The following KL variants were observed in gnomAD, a reference collection of about 807,000 sequenced individuals.
KL encodes the protein alpha-klotho.
In KL, 62 loss-of-function variants were observed where a neutral mutation model predicts 84.2. The observed-to-expected ratio is 0.74, with a 90% CI of 0.60 to 0.91. The LOEUF (loss-of-function observed/expected upper bound fraction) is 0.91, where lower values mean the gene tolerates loss of function less well. KL is among the 40% of genes least tolerant of loss of function. The probability of loss-of-function intolerance (pLI) is 0.00; values close to 1 mark genes in which losing one functional copy is unlikely to be tolerated. For synonymous variants in KL, 528 were observed against 528.0 expected (o/e 1.00, Z 0.00); for missense variants, 1,261 against 1,305.7 (o/e 0.97, Z 0.53).
At chr13:33,022,829 A>G (rs555082862) in intron 1 of KL, among the ~76,000 whole-genome samples, 8 of 152,308 alleles carry the variant, frequency 5.3e-5, no homozygotes, top group African/African-American at 1.9e-4. Flanking sequence ...TAATAAAGGC[A>G]TAAGTGGAGA....
At position 33,061,446 on chromosome 13, in the gene KL, C is replaced by T. The variant is rs1433760828; in HGVS notation, c.2367C>T (p.Phe789=). ...NQRNNFLLPY[F]TEDEKKLIQG... ...GAAACAATTTTCTTCTTCCTTATTT[C>T]ACTGAAGATGAAAAAAAGCTAATCC... The change falls in exon 4 of 5, where the codon TTC becomes TTT. Residue 789 remains phenylalanine (F), a synonymous_variant. Transcript: ENST00000380099. The T allele has an allele frequency of 6.2e-7, 1 of 1,614,070 alleles. No individual in the cohort carries two copies. Among genetic ancestry groups the T allele is most frequent in the African/African-American group, 1.3e-5 (1 of 74,934 alleles).
Position 33,060,679 on chromosome 13 carries a change from G to A in KL, c.1600G>A (p.Val534Ile), listed in dbSNP as rs754598527. ...AWGVVDNYIQ[V>I]DTTLSQFTDL... ...CTAATGTTTACTCTGCCCTTCACAG[G>A]TAGATACCACTCTGTCTCAGTTTAC... The change falls in exon 4 of 5, where the codon GTA becomes ATA. Residue 534 changes from valine (V) to isoleucine (I), a missense_variant and splice_region_variant. Coordinates refer to ENST00000380099, the MANE Select transcript of KL (RefSeq NM_004795.4). 1.2e-6 allele frequency: 2 copies of A among 1,614,148 alleles called. No homozygotes were observed. Among genetic ancestry groups the A allele is most frequent in the Non-Finnish European group, 1.7e-6 (2 of 1,180,014 alleles).
intron 1 of KL, among the ~76,000 whole-genome samples, chr13:33,030,359 A>G (rs1259990983): frequency 6.6e-6 from 1 of 152,164 alleles, no homozygotes; most frequent in Non-Finnish European, 1.5e-5. Context: ...TCTCCTAGTT[A>G]TCTTCCCTTC....
At position 33,054,249 on chromosome 13, in the gene KL, C is replaced by T; in HGVS notation, c.1302C>T (p.Leu434=). 6 of 1,613,412 alleles carry T rather than the reference C, an allele frequency of 3.7e-6. No individual in the cohort carries two copies. The highest frequency in any genetic ancestry group is 5.1e-6 in the Non-Finnish European group (6 of 1,179,902). Residue 434 remains leucine, a synonymous_variant, in exon 2 of 5, where the codon CTC becomes CTT. Coordinates refer to ENST00000380099, the MANE Select transcript of KL (RefSeq NM_004795.4). ...KRDDAKYMYY[L]KKFIMETLKA... ...ATGATGCCAAATATATGTATTACCT[C>T]AAAAAGTTCATCATGGAAACCTTAA...
Position 33,016,961 on chromosome 13 carries a change from G to C in KL, c.521G>C (p.Arg174Pro). 1 of 1,601,654 alleles carries C rather than the reference G, an allele frequency of 6.2e-7. No individual in the cohort carries two copies. Among genetic ancestry groups the C allele is most frequent in the Non-Finnish European group, 8.5e-7 (1 of 1,175,986 alleles). ...AACCGCGAGGGGCTGCGCTACTACC[G>C]GCGCCTGCTGGAGCGGCTGCGGGAG... ...VPNREGLRYYRRLLERLRELG... is the reference protein window; with the variant it reads ...VPNREGLRYYPRLLERLRELG... The change falls in exon 1 of 5, where the codon CGG becomes CCG. Residue 174 changes from arginine (R) to proline (P), a missense_variant. Physicochemically the swap from Arg to Pro is moderately radical, Grantham distance 103 (BLOSUM62 -2). Coordinates refer to ENST00000380099, the MANE Select transcript of KL (RefSeq NM_004795.4).
chr13:33,056,982 G>A (rs1360724966), intron 3 of KL, among the ~76,000 whole-genome samples: 4 of 152,178 alleles, frequency 2.6e-5, no homozygotes, highest in Non-Finnish European at 5.9e-5. Flanking sequence ...CCTCCTCAGA[G>A]TGGATTCCAC....
At chr13:33,057,242 G>T (rs1871996729) in intron 3 of KL, among the ~76,000 whole-genome samples, 1 of 152,110 alleles carries the variant, frequency 6.6e-6, no homozygotes, top group African/African-American at 2.4e-5. Flanking sequence ...CTCCCAGCCA[G>T]CATTGCTGTG....
At position 33,061,316 on chromosome 13, in the gene KL, AAGAGGTGGCTGAG is replaced by A. The variant is rs1377228953; in HGVS notation, c.2242_2254del (p.Val748PhefsTer22). ...GCCTGCCCTTTCTCCCAAAAGGACA[AAGAGGTGGCTGAG>A]AGAGTTTTGGAATTTGACATTGGCT... On this transcript the variant is annotated frameshift_variant, in exon 4 of 5. Coordinates refer to ENST00000380099, the MANE Select transcript of KL (RefSeq NM_004795.4). LOFTEE classifies it high-confidence loss of function. The A allele has an allele frequency of 6.2e-7, 1 of 1,614,210 alleles. No homozygotes were observed. Among genetic ancestry groups the A allele is most frequent in the Non-Finnish European group, 8.5e-7 (1 of 1,180,034 alleles).
intron 1 of KL, among the ~76,000 whole-genome samples, chr13:33,024,564 G>C (rs113273966): frequency 5.4e-4 from 83 of 152,316 alleles, no homozygotes; most frequent in African/African-American, 1.9e-3. Context: ...CATATTTGTA[G>C]GGCTCTTTTC....
At position 33,064,178 on chromosome 13, in the gene KL, T is replaced by C; in HGVS notation, c.3031T>C (p.Tyr1011His). ...FYYSKKGRRS[Y>H]K ...CTACTCGAAGAAAGGCAGAAGAAGT[T>C]ACAAATAGTTCTGAACATTTTTCTA... is the stretch of plus-strand genomic sequence containing the variant. The change falls in exon 5 of 5, where the codon TAC becomes CAC. Residue 1011 changes from tyrosine to histidine, a missense_variant. Coordinates refer to ENST00000380099, the MANE Select transcript of KL (RefSeq NM_004795.4). 6.3e-7 allele frequency: 1 copy of C among 1,597,338 alleles called. No homozygotes were observed.
At chr13:33,029,481 ACTTTT>A in intron 1 of KL, among the ~76,000 whole-genome samples, 1 of 152,300 alleles carries the variant, frequency 6.6e-6, no homozygotes, top group South Asian at 2.1e-4. Flanking sequence ...TTTGCACTCT[ACTTTT>A]CTTTTTGACC....
chr13:33,065,567 A>G lies in KL; in HGVS notation c.*1381A>G, dbSNP rs1477253232. The G allele has an allele frequency of 1.1e-5, 2 of 183,144 alleles. No homozygotes were observed. Among genetic ancestry groups the G allele is most frequent in the African/African-American group, 4.7e-5 (2 of 42,518 alleles). 11.3% of individuals were successfully genotyped at this position (183,144 alleles called of 1,614,324 possible). ...ATAGTGTATAATAATATACTGTACT[A>G]TATAATATATCATCTTTAGAGGTAT... On this transcript the variant is annotated 3_prime_UTR_variant, in exon 5 of 5. Transcript: ENST00000380099.
Position 33,061,170 on chromosome 13 carries a change from C to G in KL, c.2091C>G (p.Tyr697Ter). 1 of 1,614,250 alleles carries G rather than the reference C, an allele frequency of 6.2e-7. No homozygotes were observed. Among genetic ancestry groups the G allele is most frequent in the Non-Finnish European group, 8.5e-7 (1 of 1,180,052 alleles). ...AGCCGTATACAAGGAATATGACATA[C>G]AGTGCTGGCCACAACCTTCTGAAGG... is the stretch of plus-strand genomic sequence containing the variant. ...MNEPYTRNMT[Y>*]SAGHNLLKAH... The change falls in exon 4 of 5, where the codon TAC (tyrosine) becomes TAG (stop). Residue 697 changes from tyrosine to a stop codon, truncating the protein, a stop_gained. Coordinates refer to ENST00000380099, the MANE Select transcript of KL (RefSeq NM_004795.4). LOFTEE classifies it high-confidence loss of function.
chr13:33,016,250 C>T (rs1005180640), upstream of KL: 1 of 151,912 alleles, frequency 6.6e-6, no homozygotes, highest in South Asian at 2.1e-4. Context: ...TCCCGGGCAC[C>T]CCTCGCCCTC....
Position 33,064,478 on chromosome 13 carries a change from G to T in KL, c.*292G>T. 1 of 311,880 alleles carries T rather than the reference G, an allele frequency of 3.2e-6. No homozygotes were observed. The highest frequency in any genetic ancestry group is 6.7e-5 in the South Asian group (1 of 14,978). 19.3% of individuals were successfully genotyped at this position (311,880 alleles called of 1,614,324 possible). ...CATGAAAAATAGGAACCACACCAAT[G>T]CAACATTTGTGCAGAAATTTGAATG... On this transcript the variant is annotated 3_prime_UTR_variant, in exon 5 of 5. Transcript: ENST00000380099.
chr13:33,051,135 G>A (rs1163531922), intron 1 of KL, among the ~76,000 whole-genome samples: 1 of 152,198 alleles, frequency 6.6e-6, no homozygotes, highest in Non-Finnish European at 1.5e-5. Context: ...TGCAAACTCT[G>A]CATTAGGAGT....
intron 1 of KL, among the ~76,000 whole-genome samples, chr13:33,031,112 T>C (rs9526962): frequency 0.15 from 22,059 of 152,062 alleles, 1,684 homozygotes; most frequent in South Asian, 0.17. Context: ...GCCGACTGAG[T>C]TCCTAGCTCA....
Position 33,060,795 on chromosome 13 carries a change from T to G in KL, c.1716T>G (p.Cys572Trp). Residue 572 changes from cysteine (C) to tryptophan (W), a missense_variant, in exon 4 of 5, where the codon TGT becomes TGG. By Grantham distance (215) the Cys-to-Trp change is radical. Transcript: ENST00000380099. The stretch of plus-strand genomic sequence containing the variant: ...TGACCAAGAAGAGGAAATCCTACTG[T>G]GTTGACTTTGCTGCCATCCAGCCCC... ...GVVTKKRKSY[C>W]VDFAAIQPQI... 1.9e-6 allele frequency: 3 copies of G among 1,614,226 alleles called. No individual in the cohort carries two copies. Among genetic ancestry groups the G allele is most frequent in the Non-Finnish European group, 2.5e-6 (3 of 1,180,036 alleles).
At position 33,055,243 on chromosome 13, in the gene KL, A is replaced by C. The variant is rs761748531; in HGVS notation, c.1527A>C (p.Leu509Phe). 6.2e-7 allele frequency: 1 copy of C among 1,614,052 alleles called. No individual in the cohort carries two copies. The highest frequency in any genetic ancestry group is 2.2e-5 in the East Asian group (1 of 44,894). The change falls in exon 3 of 5, where the codon TTA becomes TTC. Residue 509 changes from leucine (L) to phenylalanine (F), a missense_variant. By Grantham distance (22) the Leu-to-Phe change is conservative (BLOSUM62 0). Transcript: ENST00000380099. Reference protein sequence around the residue: ...KLIEKNGFPPLPENQPLEGTF... With the variant: ...KLIEKNGFPPFPENQPLEGTF... ...TAGAGAAAAATGGCTTCCCTCCTTT[A>C]CCTGAAAATCAGCCCCTAGAAGGGA...
Sources: gnomAD v4.1 joint callset for allele counts (sites outside exome capture counted in the v4.1 genomes callset) on GRCh38, gnomAD v4.1.1 for gene constraint, MANE v1.5 for transcripts, NCBI Gene and HGNC (gene_info 2026-07-23, HGNC 2026-07-21) for gene names.